Variants in ZNF385B observed in about 807,000 individuals in gnomAD.
ZNF385B encodes zinc finger protein 533.
ZNF385B carries 23 observed loss-of-function variants against 39.2 expected under a neutral mutation model. The ratio of observed to expected loss-of-function variants is 0.59; its 90% CI spans 0.42 to 0.83. The LOEUF is 0.83. Ranked by LOEUF, ZNF385B falls within the 40% of genes least tolerant of loss-of-function variation. ZNF385B has a pLI of 0.00. For missense variants in ZNF385B, 552 were observed against 598.9 expected (o/e 0.92, Z 0.82); for synonymous variants, 205 against 222.6 (o/e 0.92, Z 0.70).
chr2:179,725,855 C>T (rs866775071), intron 3 of ZNF385B, among the ~76,000 whole-genome samples: 5 of 148,458 alleles, frequency 3.4e-5, no homozygotes, highest in Middle Eastern at 7.2e-3. Flanking sequence ...ATACATATAT[C>T]ATATATCTCA....
chr2:179,728,900 TC>T (rs1159531400), intron 3 of ZNF385B, among the ~76,000 whole-genome samples: 1 of 151,976 alleles, frequency 6.6e-6, no homozygotes, highest in Non-Finnish European at 1.5e-5. Flanking sequence ...TATTAAAAAC[TC>T]AGGTAGCACA....
At chr2:179,592,180 TG>T (rs1385912521) in intron 3 of ZNF385B, among the ~76,000 whole-genome samples, 6 of 152,258 alleles carry the variant, frequency 3.9e-5, no homozygotes, top group African/African-American at 1.4e-4. Context: ...CCCTTTACAC[TG>T]TCTTCCAGAA....
chr2:179,587,442 T>C (rs1687178095), intron 3 of ZNF385B, among the ~76,000 whole-genome samples: 1 of 152,198 alleles, frequency 6.6e-6, no homozygotes, highest in African/African-American at 2.4e-5. Flanking sequence ...ACCATGACGA[T>C]AACTAGTTTG....
chr2:179,698,631 T>C (rs1035181560), intron 3 of ZNF385B, among the ~76,000 whole-genome samples: 61 of 152,350 alleles, frequency 4.0e-4, no homozygotes, highest in African/African-American at 1.4e-3. Flanking sequence ...CATACTGTTA[T>C]TATGCCATTA....
At chr2:179,719,236 T>C (rs1317527326) in intron 3 of ZNF385B, among the ~76,000 whole-genome samples, 2 of 152,252 alleles carry the variant, frequency 1.3e-5, no homozygotes, top group Non-Finnish European at 1.5e-5. Context: ...GCTTTCCTAC[T>C]AACCTATTTA....
At chr2:179,592,372 G>C (rs1687638720) in intron 3 of ZNF385B, among the ~76,000 whole-genome samples, 1 of 152,176 alleles carries the variant, frequency 6.6e-6, no homozygotes, top group Non-Finnish European at 1.5e-5. Context: ...AATAGCCTCA[G>C]TTAGCTGGAT....
rs76626557 is a variant in ZNF385B at position 179,575,507 on chromosome 2, T to C, written c.299-30538A>G. On this transcript the variant is annotated intron_variant, in intron 3 of 9. Transcript: ENST00000410066. ...TGAGAAGCAGAAGTCGAAATGCTAT[T>C]TATTTGGAATTCTCATTGGCCTGCA... Among the ~76,000 whole-genome samples, 1,483 of 152,220 alleles carry C rather than the reference T, an allele frequency of 9.7e-3. 29 individuals are homozygous for C. Among genetic ancestry groups the C allele is most frequent in the African/African-American group, 0.034 (1,413 of 41,530 alleles).
chr2:179,445,799 T>A, intron 7 of ZNF385B, 71 bp from the exon 8 acceptor site: 6 of 1,404,094 alleles, frequency 4.3e-6, no homozygotes, highest in Non-Finnish European at 5.6e-6. Context: ...TTCTTATCCT[T>A]GAGAAGTTTA....
chr2:179,780,321 A>C (rs764677339), intron 1 of ZNF385B, among the ~76,000 whole-genome samples: 3 of 152,184 alleles, frequency 2.0e-5, no homozygotes, highest in Non-Finnish European at 4.4e-5. Context: ...CTCAGATCAT[A>C]GATGCTTCCC....
At chr2:179,464,449 C>G (rs951145137) in intron 6 of ZNF385B, among the ~76,000 whole-genome samples, 24 of 152,092 alleles carry the variant, frequency 1.6e-4, no homozygotes, top group African/African-American at 5.3e-4. Flanking sequence ...ATGGTATTGC[C>G]CAGGTTTTCC....
chr2:179,667,860 ATT>A (rs1326177627), intron 3 of ZNF385B, among the ~76,000 whole-genome samples: 5 of 152,212 alleles, frequency 3.3e-5, no homozygotes, highest in African/African-American at 1.2e-4. Context: ...CATCAGTTGT[ATT>A]TAAGTCCCAG....
intron 3 of ZNF385B, among the ~76,000 whole-genome samples, chr2:179,767,041 T>C (rs555660107): frequency 2.0e-5 from 3 of 152,236 alleles, no homozygotes; most frequent in East Asian, 1.9e-4. Flanking sequence ...TCCCCCAGCA[T>C]TGAGGCATAT....
At chr2:179,757,660 G>T (rs1703127008) in intron 3 of ZNF385B, among the ~76,000 whole-genome samples, 1 of 152,144 alleles carries the variant, frequency 6.6e-6, no homozygotes, top group South Asian at 2.1e-4. Flanking sequence ...CCTCAGCATT[G>T]GAAGGCGCCC....
rs557007705 is a variant in ZNF385B, at chr2:179,738,352, C to T, written c.298+31151G>A. ...GGCTGGTCACCTTCAAATGAAAACA[C>T]CTAAGGCCCTCCTCTGCATTTCACC... On this transcript the variant is annotated intron_variant, in intron 3 of 9. Transcript: ENST00000410066. Among the ~76,000 whole-genome samples the T allele has an allele frequency of 3.3e-5, 5 of 152,264 alleles. No homozygotes were observed. The East Asian group carries it at 7.7e-4, about 24-fold the overall frequency.
intron 5 of ZNF385B, among the ~76,000 whole-genome samples, chr2:179,517,798 A>G (rs1171334087): frequency 1.3e-5 from 2 of 152,242 alleles, no homozygotes; most frequent in East Asian, 3.9e-4. Context: ...TTTTGTTTAT[A>G]AATTTAAAAA....
intron 1 of ZNF385B, among the ~76,000 whole-genome samples, chr2:179,832,781 A>G (rs952122735): frequency 1.2e-4 from 18 of 152,222 alleles, no homozygotes; most frequent in Non-Finnish European, 1.6e-4. Context: ...ATGCTTAGAG[A>G]AAATAGTCAA....
At chr2:179,792,396 C>T (rs1179055833) in intron 1 of ZNF385B, among the ~76,000 whole-genome samples, 1 of 66,002 alleles carries the variant, frequency 1.5e-5, no homozygotes, top group Non-Finnish European at 3.0e-5. Flanking sequence ...TTTTTTGAGA[C>T]AGAGTTTTGC....
intron 3 of ZNF385B, among the ~76,000 whole-genome samples, chr2:179,721,421 T>G (rs559221022): frequency 1.3e-5 from 2 of 152,090 alleles, no homozygotes; most frequent in Non-Finnish European, 2.9e-5. Context: ...AAATTCAATC[T>G]CACAAATTTT....
intron 3 of ZNF385B, among the ~76,000 whole-genome samples, chr2:179,574,173 C>T (rs1036474612): frequency 2.6e-5 from 4 of 152,144 alleles, no homozygotes; most frequent in Non-Finnish European, 5.9e-5. Context: ...GGGTTTGAAT[C>T]CTGCACATAA....
Sources: gnomAD v4.1 joint callset for allele counts (sites outside exome capture counted in the v4.1 genomes callset) on GRCh38, gnomAD v4.1.1 for gene constraint, MANE v1.5 for transcripts, NCBI Gene and HGNC (gene_info 2026-07-23, HGNC 2026-07-21) for gene names.